SCFD2: variants seen among roughly 807,000 people sequenced by gnomAD.
SCFD2 encodes the protein sec1 family domain containing 2.
A neutral mutation model predicts 58.9 loss-of-function variants in SCFD2; 54 were observed. That is an observed-to-expected ratio of 0.92 (90% CI 0.74 to 1.15). The LOEUF is 1.15. SCFD2 is among the 50% of genes most tolerant of loss of function. The pLI is 0.00. For synonymous variants in SCFD2, 321 were observed against 335.9 expected (o/e 0.96, Z 0.49); for missense variants, 805 against 836.6 (o/e 0.96, Z 0.47).
chr4:53,035,693 G>A (rs1196498701), intron 5 of SCFD2, among the ~76,000 whole-genome samples: 2 of 152,172 alleles, frequency 1.3e-5, no homozygotes, highest in Non-Finnish European at 2.9e-5. Context: ...CTCAAAAGAA[G>A]ACATTTATGC....
At chr4:53,131,370 G>A (rs548087960) in intron 5 of SCFD2, among the ~76,000 whole-genome samples, 3 of 152,166 alleles carry the variant, frequency 2.0e-5, no homozygotes. Flanking sequence ...GGCATCTTTA[G>A]AGAGATCTGA....
At chr4:52,896,213 T>C (rs201554818) in intron 7 of SCFD2, among the ~76,000 whole-genome samples, 3 of 152,182 alleles carry the variant, frequency 2.0e-5, no homozygotes, top group Non-Finnish European at 4.4e-5. Flanking sequence ...TTGCTTTTGG[T>C]GTTTTAGACA....
intron 2 of SCFD2, among the ~76,000 whole-genome samples, chr4:53,348,665 C>T (rs932999149): frequency 1.4e-4 from 21 of 151,894 alleles, no homozygotes; most frequent in African/African-American, 4.3e-4. Context: ...ATCTCTAAAG[C>T]TTTCTTCTTT....
intron 5 of SCFD2, among the ~76,000 whole-genome samples, chr4:53,015,473 G>T (rs1722189023): frequency 2.6e-5 from 4 of 152,168 alleles, no homozygotes; most frequent in Admixed American, 1.3e-4. Flanking sequence ...ACCTTTGGAA[G>T]AAGCAGCAGG....
chr4:52,938,184 T>C (rs192423313), intron 5 of SCFD2, among the ~76,000 whole-genome samples: 1 of 152,222 alleles, frequency 6.6e-6, no homozygotes, highest in Non-Finnish European at 1.5e-5. Context: ...GTACTTTATA[T>C]GTATTAGTTC....
chr4:53,199,054 T>C lies in SCFD2; in HGVS notation c.1312-53472A>G, dbSNP rs116450509. On this transcript the variant is annotated intron_variant, in intron 4 of 8. Transcript: ENST00000401642. ...TATGTAAAATGCTCCCATCTTCTAA[T>C]TAGTTTCTCACCAACCAAAATATCA... Among the ~76,000 whole-genome samples, 1,249 of 152,168 alleles carry C rather than the reference T, an allele frequency of 8.2e-3. 19 individuals are homozygous for C. Among genetic ancestry groups the C allele is most frequent in the African/African-American group, 0.028 (1,172 of 41,542 alleles).
chr4:53,163,502 T>A (rs1459643752), intron 4 of SCFD2, among the ~76,000 whole-genome samples: 1 of 152,108 alleles, frequency 6.6e-6, no homozygotes, highest in Non-Finnish European at 1.5e-5. Context: ...GGTGGGCAGA[T>A]CACTTGAGGT....
intron 4 of SCFD2, among the ~76,000 whole-genome samples, chr4:53,146,657 G>A (rs1726339967): frequency 6.6e-6 from 1 of 152,098 alleles, no homozygotes. Flanking sequence ...AACATAAACA[G>A]CAGCCCACCC....
chr4:53,307,822 C>G (rs1732563765), intron 3 of SCFD2, among the ~76,000 whole-genome samples: 1 of 152,092 alleles, frequency 6.6e-6, no homozygotes, highest in Non-Finnish European at 1.5e-5. Context: ...CAGCTGCTAC[C>G]ACAGGAAAAA....
chr4:52,983,227 T>C (rs939364352), intron 5 of SCFD2, among the ~76,000 whole-genome samples: 2 of 152,162 alleles, frequency 1.3e-5, no homozygotes, highest in Admixed American at 1.3e-4. Context: ...TAAAACCAAA[T>C]TCAGCGTTCA....
At chr4:52,930,729 C>T (rs1273603610) in intron 5 of SCFD2, among the ~76,000 whole-genome samples, 2 of 152,120 alleles carry the variant, frequency 1.3e-5, no homozygotes, top group East Asian at 3.9e-4. Context: ...TATCATGATA[C>T]TGTATCACAG....
chr4:53,246,217 A>T (rs1249007557), intron 4 of SCFD2, among the ~76,000 whole-genome samples: 1 of 152,198 alleles, frequency 6.6e-6, no homozygotes, highest in Non-Finnish European at 1.5e-5. Flanking sequence ...AATAAAAAAA[A>T]TTTCATGCTC....
chr4:53,253,020 G>A (rs1481599038), intron 4 of SCFD2, among the ~76,000 whole-genome samples: 4 of 151,940 alleles, frequency 2.6e-5, no homozygotes, highest in East Asian at 1.9e-4. Flanking sequence ...AGAATCTACA[G>A]TGAACTCAAA....
At chr4:52,955,490 C>T (rs562890232) in intron 5 of SCFD2, among the ~76,000 whole-genome samples, 1 of 152,194 alleles carries the variant, frequency 6.6e-6, no homozygotes, top group African/African-American at 2.4e-5. Flanking sequence ...CACAATGGCT[C>T]TATAAAATAG....
intron 4 of SCFD2, among the ~76,000 whole-genome samples, chr4:53,238,411 C>T (rs1264792965): frequency 6.8e-6 from 1 of 146,410 alleles, no homozygotes; most frequent in East Asian, 2.1e-4. Context: ...GGCTGACCCC[C>T]CTACCTCCCT....
intron 5 of SCFD2, among the ~76,000 whole-genome samples, chr4:53,062,245 G>T (rs1012347034): frequency 6.6e-6 from 1 of 151,670 alleles, no homozygotes; most frequent in African/African-American, 2.4e-5. Context: ...GGTGGTAGGC[G>T]CCTGTAATCC....
intron 3 of SCFD2, among the ~76,000 whole-genome samples, chr4:53,279,455 T>A (rs1731440090): frequency 6.6e-6 from 1 of 152,178 alleles, no homozygotes; most frequent in Non-Finnish European, 1.5e-5. Flanking sequence ...GCTTCTGGTT[T>A]CAATTTAGCT....
intron 5 of SCFD2, among the ~76,000 whole-genome samples, chr4:52,922,830 T>A (rs185867449): frequency 1.9e-4 from 29 of 152,324 alleles, no homozygotes; most frequent in African/African-American, 7.0e-4. Flanking sequence ...CCACCAACAG[T>A]GTAAGAGGGT....
At chr4:53,087,068 G>C (rs79187282) in intron 5 of SCFD2, among the ~76,000 whole-genome samples, 51,318 of 151,958 alleles carry the variant, frequency 0.34, 10,181 homozygotes, top group Non-Finnish European at 0.42. Flanking sequence ...CTTGAGGAGA[G>C]GAATATCCCA....
Sources: allele counts gnomAD v4.1 joint callset (sites outside exome capture counted in the v4.1 genomes callset), GRCh38; gene constraint gnomAD v4.1.1; transcripts MANE v1.5; gene names NCBI Gene and HGNC (gene_info 2026-07-23, HGNC 2026-07-21).